Variants in SCHIP1 observed in about 807,000 individuals in gnomAD.
SCHIP1 encodes schwannomin interacting protein 1, also known as schwannomin-interacting protein 1.
In SCHIP1, 8 loss-of-function variants were observed where a neutral mutation model predicts 29.7. That is an observed-to-expected ratio of 0.27 (90% CI 0.16 to 0.49). The LOEUF is 0.49. Ranked by LOEUF, SCHIP1 falls within the 20% of genes least tolerant of loss-of-function variation. SCHIP1 has a pLI of 0.99. For synonymous variants in SCHIP1, 76 were observed against 94.9 expected, an observed-to-expected ratio of 0.80 and a Z score of 1.16; for missense variants, 193 against 294.6, an observed-to-expected ratio of 0.66 and a Z score of 2.52.
chr3:159,442,555 G>A, the SCHIP1 span, among the ~76,000 whole-genome samples: 1 of 152,126 alleles, frequency 6.6e-6, no homozygotes, highest in South Asian at 2.1e-4. Flanking sequence ...CAGAAGTGAA[G>A]GAAAGGGACT....
the SCHIP1 span, among the ~76,000 whole-genome samples, chr3:159,658,621 C>T: frequency 6.6e-6 from 1 of 152,160 alleles, no homozygotes; most frequent in African/African-American, 2.4e-5. Flanking sequence ...ATACTCACTC[C>T]ATTGGGCAAT....
the SCHIP1 span, among the ~76,000 whole-genome samples, chr3:159,514,347 G>C: frequency 2.0e-5 from 3 of 152,290 alleles, no homozygotes; most frequent in Admixed American, 2.0e-4. Flanking sequence ...AGTACATTCA[G>C]CTGGTTCAAA....
the SCHIP1 span, among the ~76,000 whole-genome samples, chr3:159,577,653 C>T: frequency 6.6e-6 from 1 of 152,178 alleles, no homozygotes; most frequent in Admixed American, 6.5e-5. Context: ...TCATGCATGA[C>T]TGCAGGTCTA....
At chr3:159,380,675 T>C in the SCHIP1 span, among the ~76,000 whole-genome samples, 4 of 152,314 alleles carry the variant, frequency 2.6e-5, no homozygotes, top group Middle Eastern at 6.8e-3. Context: ...TTTATATACA[T>C]TGTTTAAAAT....
chr3:159,495,298 GAA>G, the SCHIP1 span, among the ~76,000 whole-genome samples: 1 of 152,180 alleles, frequency 6.6e-6, no homozygotes, highest in Admixed American at 6.5e-5. Flanking sequence ...ATTCAATTAG[GAA>G]AAGAGGAAGT....
chr3:159,571,772 G>T, the SCHIP1 span, among the ~76,000 whole-genome samples: 1 of 151,998 alleles, frequency 6.6e-6, no homozygotes, highest in Non-Finnish European at 1.5e-5. Context: ...TTTTTTGGTT[G>T]GTAGGCTATT....
At chr3:159,277,417 A>G in the SCHIP1 span, among the ~76,000 whole-genome samples, 1 of 152,158 alleles carries the variant, frequency 6.6e-6, no homozygotes, top group African/African-American at 2.4e-5. Flanking sequence ...TGGAAATATA[A>G]ATACAAGCAT....
chr3:159,460,973 T>G, the SCHIP1 span, among the ~76,000 whole-genome samples: 4 of 152,106 alleles, frequency 2.6e-5, no homozygotes, highest in African/African-American at 9.7e-5. Flanking sequence ...ATCATACAAA[T>G]GCCATGGACC....
At chr3:159,447,023 G>C in the SCHIP1 span, among the ~76,000 whole-genome samples, 1 of 152,162 alleles carries the variant, frequency 6.6e-6, no homozygotes, top group Non-Finnish European at 1.5e-5. Flanking sequence ...AACTCTTTCT[G>C]ATATGAGTGT....
At chr3:159,589,102 G>T in the SCHIP1 span, among the ~76,000 whole-genome samples, 49 of 152,294 alleles carry the variant, frequency 3.2e-4, 1 homozygote, top group South Asian at 8.3e-3. Context: ...CATGAGCATG[G>T]AATGTTCTTC....
At chr3:159,837,582 G>A (rs1376949262), upstream of SCHIP1, among the ~76,000 whole-genome samples, 1 of 152,244 alleles carries the variant, frequency 6.6e-6, no homozygotes, top group African/African-American at 2.4e-5. Context: ...AATTAGCCGG[G>A]CGTGGTGGTG....
chr3:159,707,758 T>C, the SCHIP1 span, among the ~76,000 whole-genome samples: 5 of 152,214 alleles, frequency 3.3e-5, no homozygotes, highest in African/African-American at 1.2e-4. Context: ...AGAATTGTTC[T>C]AGATCAAGGA....
chr3:159,428,939 C>G, the SCHIP1 span, among the ~76,000 whole-genome samples: 1,892 of 151,704 alleles, frequency 0.012, 53 homozygotes, highest in African/African-American at 0.043. Flanking sequence ...AGTAAACTAT[C>G]GCAAGAACAA....
the SCHIP1 span, among the ~76,000 whole-genome samples, chr3:159,627,344 T>C: frequency 2.0e-5 from 3 of 152,240 alleles, no homozygotes; most frequent in Non-Finnish European, 2.9e-5. Context: ...GAGGCAAATA[T>C]ATTTTATCCA....
chr3:159,725,609 T>G, the SCHIP1 span, among the ~76,000 whole-genome samples: 1 of 152,154 alleles, frequency 6.6e-6, no homozygotes, highest in Non-Finnish European at 1.5e-5. Context: ...AGACTTCATT[T>G]CTGCCCACTC....
the SCHIP1 span, among the ~76,000 whole-genome samples, chr3:159,577,975 C>T: frequency 6.6e-6 from 1 of 152,142 alleles, no homozygotes; most frequent in African/African-American, 2.4e-5. Context: ...ATATCTAGAG[C>T]AGTGCTTCTC....
the SCHIP1 span, among the ~76,000 whole-genome samples, chr3:159,408,246 C>T: frequency 4.6e-5 from 7 of 151,150 alleles, no homozygotes; most frequent in African/African-American, 7.3e-5. Flanking sequence ...TGCAGTGAGC[C>T]GAGATCACAC....
At chr3:159,894,221 C>T (rs1295922151) in intron 6 of SCHIP1, 1 of 152,150 alleles carries the variant, frequency 6.6e-6, no homozygotes, top group Non-Finnish European at 1.5e-5. Context: ...CACGCACAGC[C>T]AAATTTGAGA....
At chr3:159,407,723 C>G in the SCHIP1 span, among the ~76,000 whole-genome samples, 11 of 152,090 alleles carry the variant, frequency 7.2e-5, no homozygotes, top group African/African-American at 2.4e-5. Flanking sequence ...AAATAAATAA[C>G]AAGAAGAAGT....
Sources: gnomAD v4.1 joint callset for allele counts (sites outside exome capture counted in the v4.1 genomes callset) on GRCh38, gnomAD v4.1.1 for gene constraint, MANE v1.5 for transcripts, NCBI Gene and HGNC (gene_info 2026-07-23, HGNC 2026-07-21) for gene names.